Variants in F11 observed in about 807,000 individuals in gnomAD.
The protein encoded by F11 is coagualtion factor XI.
A neutral mutation model predicts 76.5 loss-of-function variants in F11; 78 were observed. The ratio of observed to expected loss-of-function variants is 1.02; its 90% CI spans 0.85 to 1.23. The LOEUF is 1.23. Ranked by LOEUF, F11 falls within the 50% of genes most tolerant of loss-of-function variation. The pLI is 0.00. For synonymous variants in F11, 278 were observed against 276.3 expected (o/e 1.01, Z -0.06); for missense variants, 742 against 771.4 (o/e 0.96, Z 0.45).
intron 2 of F11, among the ~76,000 whole-genome samples, chr4:186,270,997 C>T (rs527902591): frequency 1.1e-4 from 16 of 151,890 alleles, no homozygotes; most frequent in Admixed American, 2.0e-4. Context: ...TGAGCCACTG[C>T]GCCCACTCCG....
chr4:186,284,574 G>A (rs972748980), intron 11 of F11, among the ~76,000 whole-genome samples: 1 of 151,984 alleles, frequency 6.6e-6, no homozygotes, highest in Non-Finnish European at 1.5e-5. Context: ...CACTGTGCCC[G>A]GAACTAAACT....
chr4:186,266,810 G>T (rs1386167591), intron 1 of F11, among the ~76,000 whole-genome samples: 3 of 152,138 alleles, frequency 2.0e-5, no homozygotes, highest in Non-Finnish European at 4.4e-5. Flanking sequence ...AAATTGGGGT[G>T]GGGAGAGCGG....
In F11 at chr4:186,289,363, G is replaced by T. The variant is rs535310330; in HGVS notation, c.*749G>T. ...TATCTTGGGAGGGGAGGCTGATGGA[G>T]ATAGGGAGCATGCTCAAACCTCCCT... On this transcript the variant is annotated 3_prime_UTR_variant, in exon 15 of 15. Coordinates refer to ENST00000403665, the MANE Select transcript of F11 (RefSeq NM_000128.4). 1.3e-5 allele frequency among the ~76,000 whole-genome samples: 2 copies of T among 152,280 alleles called. No homozygotes were observed. The highest frequency in any genetic ancestry group is 2.1e-4 in the South Asian group (1 of 4,826).
In F11 at chr4:186,271,601, C is replaced by T; in HGVS notation, c.56-8C>T. 1 of 1,614,086 alleles carries T rather than the reference C, an allele frequency of 6.2e-7. No homozygotes were observed. ...CCAACATAACGCATGCCATGTACTA[C>T]ATCACAGAATGTGTGACTCAGTTGT... is the stretch of plus-strand genomic sequence containing the variant. On this transcript the variant is annotated splice_polypyrimidine_tract_variant and splice_region_variant and intron_variant, in intron 2 of 14. Transcript: ENST00000403665.
At position 186,289,284 on chromosome 4, in the gene F11, G is replaced by A. The variant is rs1047340782; in HGVS notation, c.*670G>A. ...GAAGTGATACCTTAGGGGCAATCTT[G>A]AAGATACACTTTCCTGAAAAATGAT... On this transcript the variant is annotated 3_prime_UTR_variant, in exon 15 of 15. Coordinates refer to ENST00000403665, the MANE Select transcript of F11 (RefSeq NM_000128.4). Among the ~76,000 whole-genome samples the A allele has an allele frequency of 1.3e-5, 2 of 152,174 alleles. No homozygotes were observed. Among genetic ancestry groups the A allele is most frequent in the Admixed American group, 1.3e-4 (2 of 15,284 alleles).
At chr4:186,275,750 G>T in intron 5 of F11, 37 bp from the exon 6 acceptor site, 1 of 1,472,318 alleles carries the variant, frequency 6.8e-7, no homozygotes, top group South Asian at 1.2e-5. Context: ...CTTGCAGTTG[G>T]AAGAATAAGA....
Position 186,285,838 on chromosome 4 carries a change from T to C in F11, c.1480+25T>C, listed in dbSNP as rs753382165. 24 of 1,613,000 alleles carry C rather than the reference T, an allele frequency of 1.5e-5. 1 individual carries two copies. The South Asian group carries it at 2.3e-4, about 15-fold the overall frequency. On this transcript the variant is annotated intron_variant, in intron 12 of 14. Transcript: ENST00000403665. ...GGTACGGAGAATTTTATCCGGAAAG[T>C]TGTCTCCAATGGTGAACTGGATAAA... is the stretch of plus-strand genomic sequence containing the variant.
At chr4:186,281,776 GT>G (rs1233912560) in intron 10 of F11, among the ~76,000 whole-genome samples, 12 of 152,072 alleles carry the variant, frequency 7.9e-5, no homozygotes, top group Non-Finnish European at 1.5e-4. Flanking sequence ...ATCCTGCCTC[GT>G]GATAGTTTTA....
At chr4:186,283,928 A>T (rs1219732619) in intron 10 of F11, 164 bp from the exon 11 acceptor site, 2 of 465,458 alleles carry the variant, frequency 4.3e-6, no homozygotes, top group Non-Finnish European at 2.8e-6. Context: ...TCCATTTTTC[A>T]TGTGCATGTT....
intron 4 of F11, among the ~76,000 whole-genome samples, chr4:186,273,837 G>A (rs1740164378): frequency 2.0e-5 from 3 of 152,346 alleles, no homozygotes; most frequent in Middle Eastern, 3.4e-3. Context: ...ACTTGAATCA[G>A]TTAATTAGCG....
chr4:186,275,805 G>A lies in F11; in HGVS notation c.504G>A (p.Lys168=). 1 of 1,612,992 alleles carries A rather than the reference G, an allele frequency of 6.2e-7. No individual in the cohort carries two copies. Among genetic ancestry groups the A allele is most frequent in the Non-Finnish European group, 8.5e-7 (1 of 1,179,312 alleles). ...TATTCAGTAACATTTGTCTACTGAA[G>A]CACACCCAAACAGGGACACCAACCA... ...SLEHRNICLL[K]HTQTGTPTRI... is the part of the protein sequence containing the mutation. Residue 168 remains lysine (K), a synonymous_variant, in exon 6 of 15, where the codon AAG becomes AAA. Transcript: ENST00000403665.
At chr4:186,271,141 G>A (rs775126196) in intron 2 of F11, among the ~76,000 whole-genome samples, 5 of 152,114 alleles carry the variant, frequency 3.3e-5, no homozygotes, top group Non-Finnish European at 5.9e-5. Context: ...ATTCTCAATG[G>A]GGTGAGGATG....
chr4:186,289,801 G>C (rs560477968), downstream of F11, among the ~76,000 whole-genome samples: 1 of 151,574 alleles, frequency 6.6e-6, no homozygotes, highest in South Asian at 2.1e-4. Context: ...TCCTGCCTCA[G>C]TCTCCCAAGT....
chr4:186,271,585 C>A (rs771398102), intron 2 of F11, 24 bp from the exon 3 acceptor site: 2 of 1,613,892 alleles, frequency 1.2e-6, no homozygotes, highest in Non-Finnish European at 8.5e-7. Context: ...TCCAACATAA[C>A]GCATGCCATG....
chr4:186,272,956 A>G (rs1268341097), intron 3 of F11, 115 bp from the exon 4 acceptor site: 5 of 680,570 alleles, frequency 7.3e-6, no homozygotes, highest in Non-Finnish European at 1.3e-5. Context: ...TTGTTTTGGC[A>G]TGAGATAAAG....
At chr4:186,281,883 G>T (rs910434648) in intron 10 of F11, 1 of 1,226,210 alleles carries the variant, frequency 8.2e-7, no homozygotes, top group Non-Finnish European at 1.1e-6. Flanking sequence ...ACATAAAGAC[G>T]TTATATTGCC....
chr4:186,280,401 G>T lies in F11; in HGVS notation c.1028+16G>T, dbSNP rs762405730. The T allele has an allele frequency of 6.2e-7, 1 of 1,614,146 alleles. No homozygotes were observed. Among genetic ancestry groups the T allele is most frequent in the South Asian group, 1.1e-5 (1 of 91,090 alleles). On this transcript the variant is annotated intron_variant, in intron 9 of 14. Transcript: ENST00000403665. Reference sequence around the variant, plus strand: ...ACGAAGGGAAGTAAGCCATATGAAGGGTTATGCAGACACCCTTGTCCCGTC... The same window carrying T: ...ACGAAGGGAAGTAAGCCATATGAAGTGTTATGCAGACACCCTTGTCCCGTC...
At chr4:186,273,006 T>C in intron 3 of F11, 65 bp from the exon 4 acceptor site, 1 of 1,115,594 alleles carries the variant, frequency 9.0e-7, no homozygotes, top group East Asian at 2.6e-5. Flanking sequence ...TGTGCTGACT[T>C]TTAAGATCCA....
chr4:186,268,732 T>C (rs1289547581), intron 2 of F11, among the ~76,000 whole-genome samples: 1 of 152,112 alleles, frequency 6.6e-6, no homozygotes, highest in Admixed American at 6.5e-5. Flanking sequence ...CAATGGTAAT[T>C]AGAAAAGGAA....
Sources: gnomAD v4.1 joint callset for allele counts (sites outside exome capture counted in the v4.1 genomes callset) on GRCh38, gnomAD v4.1.1 for gene constraint, MANE v1.5 for transcripts, NCBI Gene and HGNC (gene_info 2026-07-23, HGNC 2026-07-21) for gene names.